Variants in ABCC1 observed in about 807,000 individuals in gnomAD.
The protein encoded by ABCC1 is ATP binding cassette subfamily C member 1 (ABCC1 blood group), also known as multidrug resistance-associated protein 1.
ABCC1 carries 83 observed loss-of-function variants against 172.9 expected under a neutral mutation model. The ratio of observed to expected loss-of-function variants is 0.48; its 90% CI spans 0.40 to 0.58. The LOEUF (loss-of-function observed/expected upper bound fraction) is 0.58, where lower values mean the gene tolerates loss of function less well. Ranked by LOEUF, ABCC1 falls within the 20% of genes least tolerant of loss-of-function variation. The pLI, the probability that ABCC1 is intolerant of heterozygous loss-of-function variation, is 0.00. For missense variants in ABCC1, 1,817 were observed against 2,002.7 expected (o/e 0.91, Z 1.77); for synonymous variants, 937 against 825.2 (o/e 1.14, Z -2.32).
Position 15,949,744 on chromosome 16 carries a change from C to T in ABCC1, c.-8C>T. ...CGCCCGGTGCCCGCCGCCGCCCGCGCCACCGGCATGGCGCTCCGGGGCTTC... is the reference window on the plus strand; with the variant it reads ...CGCCCGGTGCCCGCCGCCGCCCGCGTCACCGGCATGGCGCTCCGGGGCTTC... On this transcript the variant is annotated 5_prime_UTR_variant, in exon 1 of 31. Transcript: ENST00000399410. 3 of 1,180,184 alleles carry T rather than the reference C, an allele frequency of 2.5e-6. No individual in the cohort carries two copies. The highest frequency in any genetic ancestry group is 3.4e-4 in the Middle Eastern group (1 of 2,900). 73.1% of individuals were successfully genotyped at this position (1,180,184 alleles called of 1,614,324 possible).
chr16:16,008,552 T>C (rs1208872767), intron 2 of ABCC1, among the ~76,000 whole-genome samples: 1 of 151,440 alleles, frequency 6.6e-6, no homozygotes, highest in Non-Finnish European at 1.5e-5. Context: ...AATTTAAAGC[T>C]ACAGGAAAAT....
At position 16,045,780 on chromosome 16, in the gene ABCC1, T is replaced by C. The variant is rs1038319825; in HGVS notation, c.1041-56T>C. 3 of 1,565,604 alleles carry C rather than the reference T, an allele frequency of 1.9e-6. No homozygotes were observed. The African/African-American group carries it at 4.1e-5, about 21-fold the overall frequency. On this transcript the variant is annotated intron_variant, in intron 8 of 30. Transcript: ENST00000399410. ...TTGCAGTGCCAACACTGAAGCTCTCTTCCCTGCCCCCACGTGTCACAAGTC... is the reference window on the plus strand; with the variant it reads ...TTGCAGTGCCAACACTGAAGCTCTCCTCCCTGCCCCCACGTGTCACAAGTC...
intron 19 of ABCC1, among the ~76,000 whole-genome samples, chr16:16,095,593 G>A (rs899175308): frequency 2.0e-5 from 3 of 152,174 alleles, no homozygotes; most frequent in East Asian, 1.9e-4. Context: ...TGTGTGCTCC[G>A]ACTTCACACT....
At chr16:16,038,000 G>C (rs1224874931) in intron 7 of ABCC1, among the ~76,000 whole-genome samples, 1 of 152,096 alleles carries the variant, frequency 6.6e-6, no homozygotes, top group Non-Finnish European at 1.5e-5. Context: ...AGGCAAAGGT[G>C]GGGTCCCTGT....
At chr16:16,138,189 A>C (rs1266956373) in intron 29 of ABCC1, among the ~76,000 whole-genome samples, 175 bp from the exon 30 acceptor site, 1 of 151,946 alleles carries the variant, frequency 6.6e-6, no homozygotes, top group Non-Finnish European at 1.5e-5. Context: ...TGAATAGGAG[A>C]TGTGCTCTGA....
intron 1 of ABCC1, among the ~76,000 whole-genome samples, chr16:15,983,784 G>A (rs1333158087): frequency 2.3e-5 from 1 of 44,246 alleles, no homozygotes; most frequent in African/African-American, 8.1e-5. Flanking sequence ...TCTAACTTCT[G>A]ACCTCAAGTG....
rs201282560 is a variant in ABCC1, at chr16:16,096,235, A to AC, written c.2644+5647_2644+5648insC. Among the ~76,000 whole-genome samples, 660 of 151,954 alleles carry AC rather than the reference A, an allele frequency of 4.3e-3. 4 individuals are homozygous for AC. Among genetic ancestry groups the AC allele is most frequent in the African/African-American group, 0.015 (618 of 41,406 alleles). On this transcript the variant is annotated intron_variant, in intron 19 of 30. Coordinates refer to ENST00000399410, the MANE Select transcript of ABCC1 (RefSeq NM_004996.4). ...CAGAGCGAGACTGTCTCAAAAAAAAAACAAAAAAACAAAAAAAAACTCCCG... is the reference window on the plus strand; with the variant it reads ...CAGAGCGAGACTGTCTCAAAAAAAAACACAAAAAAACAAAAAAAAACTCCCG...
intron 18 of ABCC1, among the ~76,000 whole-genome samples, chr16:16,089,299 A>C (rs1244218622): frequency 2.0e-5 from 3 of 152,180 alleles, no homozygotes; most frequent in Admixed American, 6.5e-5. Flanking sequence ...TAGTCCCAGC[A>C]CTTTTGTAAG....
At chr16:16,124,337 G>GTGTGTGTATGTGTA (rs10673886) in intron 24 of ABCC1, among the ~76,000 whole-genome samples, 1 of 122,812 alleles carries the variant, frequency 8.1e-6, no homozygotes, top group African/African-American at 3.2e-5. Context: ...GTGTGTGTGT[G>GTGTGTGTATGTGTA]TGTGTGTGTG....
chr16:16,014,780 C>T (rs1472593172), intron 4 of ABCC1, 152 bp downstream of exon 4: 3 of 857,298 alleles, frequency 3.5e-6, no homozygotes, highest in South Asian at 1.8e-5. Flanking sequence ...ACTTTCCTAC[C>T]CCACCAAATC....
At chr16:15,977,055 C>T (rs2046512061) in intron 1 of ABCC1, among the ~76,000 whole-genome samples, 2 of 152,058 alleles carry the variant, frequency 1.3e-5, no homozygotes, top group Admixed American at 6.6e-5. Context: ...TGTCATAGGG[C>T]AGGGAGATGG....
At chr16:15,998,151 T>C (rs2047123094) in intron 1 of ABCC1, among the ~76,000 whole-genome samples, 1 of 114,566 alleles carries the variant, frequency 8.7e-6, no homozygotes, top group Non-Finnish European at 1.9e-5. Context: ...AGACAGTCTC[T>C]TACTCTGTCA....
intron 2 of ABCC1, among the ~76,000 whole-genome samples, chr16:16,008,202 G>A (rs1041236164): frequency 1.3e-5 from 2 of 151,984 alleles, no homozygotes; most frequent in African/African-American, 4.8e-5. Flanking sequence ...ATTTGGCCTC[G>A]AGCAAATTTT....
chr16:16,069,170 AAATAAAT>A (rs1200772941), intron 13 of ABCC1, among the ~76,000 whole-genome samples: 3 of 64,408 alleles, frequency 4.7e-5, no homozygotes, highest in Admixed American at 1.4e-4. Context: ...AATAAAATAA[AAATAAAT>A]AAATAAATAA....
intron 12 of ABCC1, among the ~76,000 whole-genome samples, chr16:16,067,316 T>C (rs1332013548): frequency 6.6e-6 from 1 of 152,194 alleles, no homozygotes; most frequent in Non-Finnish European, 1.5e-5. Flanking sequence ...ATCTGTCTTG[T>C]TAATGTCAGA....
chr16:16,109,198 G>A (rs534658122), intron 21 of ABCC1, among the ~76,000 whole-genome samples: 15 of 151,960 alleles, frequency 9.9e-5, no homozygotes, highest in African/African-American at 3.4e-4. Flanking sequence ...CTGGTGAGGG[G>A]CAGAGCCTCA....
At chr16:16,026,398 C>T (rs981356346) in intron 5 of ABCC1, among the ~76,000 whole-genome samples, 1 of 126,844 alleles carries the variant, frequency 7.9e-6, no homozygotes, top group African/African-American at 3.0e-5. Flanking sequence ...CGCACCATTG[C>T]GCTGCAGCCT....
At chr16:16,134,085 T>C (rs1221232104) in intron 27 of ABCC1, among the ~76,000 whole-genome samples, 2 of 152,200 alleles carry the variant, frequency 1.3e-5, no homozygotes, top group Non-Finnish European at 2.9e-5. Context: ...CTGCCTCTTC[T>C]GTATCTCTTT....
chr16:16,045,896 C>G lies in ABCC1; in HGVS notation c.1101C>G (p.Thr367=), dbSNP rs757411793. The G allele has an allele frequency of 6.2e-7, 1 of 1,614,182 alleles. No homozygotes were observed. Among genetic ancestry groups the G allele is most frequent in the Admixed American group, 1.7e-5 (1 of 60,014 alleles). ...CAGACTGGCAGGGCTACTTCTACAC[C>G]GTGCTGCTGTTTGTCACTGCCTGCC... The part of the protein sequence containing the change: ...KAPDWQGYFY[T]VLLFVTACLQ... The change falls in exon 9 of 31, where the codon ACC becomes ACG. Residue 367 remains threonine, a synonymous_variant. Coordinates refer to ENST00000399410, the MANE Select transcript of ABCC1 (RefSeq NM_004996.4).
Sources: gnomAD v4.1 joint callset for allele counts (sites outside exome capture counted in the v4.1 genomes callset) on GRCh38, gnomAD v4.1.1 for gene constraint, MANE v1.5 for transcripts, NCBI Gene and HGNC (gene_info 2026-07-23, HGNC 2026-07-21) for gene names.